The following DOK7 variants were observed in gnomAD, a reference collection of about 807,000 sequenced individuals.
DOK7 encodes the protein protein Dok-7.
In DOK7, 32 loss-of-function variants were observed where a neutral mutation model predicts 30.7. The observed-to-expected ratio is 1.04, with a 90% confidence interval of 0.79 to 1.40. DOK7 has a LOEUF of 1.40. Ranked by LOEUF, DOK7 falls within the 40% of genes most tolerant of loss-of-function variation. The pLI is 0.00. For missense variants in DOK7, 1,007 were observed against 699.2 expected, an observed-to-expected ratio of 1.44 and a Z score of -4.97; for synonymous variants, 447 against 324.1, an observed-to-expected ratio of 1.38 and a Z score of -4.07.
chr4:3,484,052 G>T (rs1203031703), intron 4 of DOK7, among the ~76,000 whole-genome samples: 1 of 152,188 alleles, frequency 6.6e-6, no homozygotes, highest in African/African-American at 2.4e-5. Context: ...AAGCTCTATC[G>T]GGCCAGAAGG....
In DOK7 at chr4:3,481,910, C is replaced by T. The variant is rs75450196; in HGVS notation, c.533-3629C>T. 6.7e-3 allele frequency among the ~76,000 whole-genome samples: 1,015 copies of T among 152,190 alleles called. 20 individuals carry two copies. Among genetic ancestry groups the T allele is most frequent in the African/African-American group, 0.021 (892 of 41,508 alleles). ...AGACGTGTTTCTCAGGAAGCAGGTG[C>T]GTCTGTAACGTGGGTGAGGTTTGCC... On this transcript the variant is annotated intron_variant, in intron 4 of 6. Coordinates refer to ENST00000340083, the MANE Select transcript of DOK7 (RefSeq NM_173660.5).
intron 6 of DOK7, among the ~76,000 whole-genome samples, chr4:3,490,188 A>G (rs1330448369): frequency 0.02 from 262 of 13,004 alleles, 3 homozygotes; most frequent in African/African-American, 0.073. Flanking sequence ...CGCCCCCCCC[A>G]CTCATTCCTT....
chr4:3,470,580 G>C (rs532326920), intron 2 of DOK7, among the ~76,000 whole-genome samples: 4 of 152,210 alleles, frequency 2.6e-5, no homozygotes, highest in Admixed American at 6.5e-5. Flanking sequence ...GGTGGGGCCG[G>C]CTGGCTTGTG....
chr4:3,489,658 A>C lies in DOK7; in HGVS notation c.653-19A>C, dbSNP rs191981243. On this transcript the variant is annotated intron_variant, in intron 5 of 6. Coordinates refer to ENST00000340083, the MANE Select transcript of DOK7 (RefSeq NM_173660.5). Reference sequence around the variant, plus strand: ...GCGGTGGTGGCCACCTCCTCCACCGAGTCTTCTCTCTGCCACAGACCCAAG... The same window carrying C: ...GCGGTGGTGGCCACCTCCTCCACCGCGTCTTCTCTCTGCCACAGACCCAAG... 27,035 of 1,562,800 alleles carry C rather than the reference A, an allele frequency of 0.017. 315 individuals carry two copies. Among genetic ancestry groups the C allele is most frequent in the Non-Finnish European group, 0.02 (23,578 of 1,153,868 alleles).
intron 4 of DOK7, among the ~76,000 whole-genome samples, chr4:3,481,495 G>A (rs1727440575): frequency 6.6e-6 from 1 of 152,082 alleles, no homozygotes; most frequent in African/African-American, 2.4e-5. Flanking sequence ...GGAGGGCAGA[G>A]GAGGGGTGGG....
At chr4:3,488,247 C>G (rs932679175) in intron 5 of DOK7, among the ~76,000 whole-genome samples, 1 of 152,206 alleles carries the variant, frequency 6.6e-6, no homozygotes, top group Non-Finnish European at 1.5e-5. Flanking sequence ...GTGGGGGAGG[C>G]TCCTCCAGGC....
chr4:3,468,356 G>C (rs1344248121), intron 2 of DOK7, among the ~76,000 whole-genome samples: 3 of 152,012 alleles, frequency 2.0e-5, no homozygotes, highest in African/African-American at 4.8e-5. Flanking sequence ...ATGCTTGTCT[G>C]TGTGCGTGTG....
exon 8 of DOK7, chr4:3,500,859 T>G (rs897495850): frequency 6.0e-6 from 9 of 1,506,272 alleles, no homozygotes; most frequent in Non-Finnish European, 6.2e-6. Flanking sequence ...GCAAACCCGG[T>G]GCGCTGTGCG....
At chr4:3,485,353 G>A in intron 4 of DOK7, 186 bp from the exon 5 acceptor site, 1 of 767,424 alleles carries the variant, frequency 1.3e-6, no homozygotes, top group South Asian at 2.8e-5. Flanking sequence ...TGGGGTGTCG[G>A]CTCTGGGCAC....
At position 3,485,066 on chromosome 4, in the gene DOK7, C is replaced by T. The variant is rs528216812; in HGVS notation, c.533-473C>T. 2.0e-5 allele frequency among the ~76,000 whole-genome samples: 3 copies of T among 152,266 alleles called. No individual in the cohort carries two copies. The South Asian group carries it at 6.2e-4, about 32-fold the overall frequency. On this transcript the variant is annotated intron_variant, in intron 4 of 6. Transcript: ENST00000340083. ...CAAGACGGCTGTGGGGGCAGGGTCG[C>T]TGGGACCTTGGGGCAGAGGAGGGAC...
At chr4:3,491,541 TCCCAC>T (rs1560229844) in intron 6 of DOK7, among the ~76,000 whole-genome samples, 3 of 16,598 alleles carry the variant, frequency 1.8e-4, no homozygotes, top group Non-Finnish European at 4.4e-4. Flanking sequence ...TTCTTCCTTC[TCCCAC>T]CTATTCATTC....
At chr4:3,482,964 CAG>C (rs1727523864) in intron 4 of DOK7, among the ~76,000 whole-genome samples, 1 of 151,710 alleles carries the variant, frequency 6.6e-6, no homozygotes, top group Non-Finnish European at 1.5e-5. Flanking sequence ...CTGTCGGGGT[CAG>C]GGGACTGAAG....
chr4:3,487,994 G>A (rs1308209123), intron 5 of DOK7, among the ~76,000 whole-genome samples: 5 of 152,240 alleles, frequency 3.3e-5, no homozygotes, highest in South Asian at 2.1e-4. Flanking sequence ...CTGCTAAGCC[G>A]TGTGGCCTGT....
chr4:3,474,552 T>G (rs1220045895), intron 3 of DOK7, among the ~76,000 whole-genome samples: 3 of 152,162 alleles, frequency 2.0e-5, no homozygotes, highest in Non-Finnish European at 4.4e-5. Context: ...CCAGGTGCAG[T>G]GGCTCATGCC....
At chr4:3,486,892 CCCTGCTCTCT>C (rs1727838472) in intron 5 of DOK7, among the ~76,000 whole-genome samples, 1 of 152,064 alleles carries the variant, frequency 6.6e-6, no homozygotes, top group Non-Finnish European at 1.5e-5. Flanking sequence ...GAGCAGGGCT[CCCTGCTCTCT>C]CCTGCTCCCC....
At chr4:3,482,709 G>A (rs1007902346) in intron 4 of DOK7, among the ~76,000 whole-genome samples, 3 of 152,238 alleles carry the variant, frequency 2.0e-5, no homozygotes, top group African/African-American at 4.8e-5. Flanking sequence ...CAAACACACA[G>A]GCAAACAGGA....
intron 6 of DOK7, among the ~76,000 whole-genome samples, chr4:3,490,624 TC>T (rs72196765): frequency 0.15 from 16,315 of 110,652 alleles, 2,698 homozygotes; most frequent in East Asian, 0.46. Flanking sequence ...GTTCATTCCT[TC>T]CCTCTCCGCC....
chr4:3,497,009 A>G, downstream of DOK7: 1 of 878,260 alleles, frequency 1.1e-6, no homozygotes, highest in South Asian at 1.7e-5. Flanking sequence ...AATGTGGTGA[A>G]AGTGGTTGTT....
intron 4 of DOK7, among the ~76,000 whole-genome samples, chr4:3,483,777 G>A (rs1364832272): frequency 1.3e-5 from 2 of 152,330 alleles, no homozygotes; most frequent in East Asian, 1.9e-4. Flanking sequence ...CACAGGGAGG[G>A]GTGGACCACG....
Sources: allele counts gnomAD v4.1 joint callset (sites outside exome capture counted in the v4.1 genomes callset), GRCh38; gene constraint gnomAD v4.1.1; transcripts MANE v1.5; gene names NCBI Gene and HGNC (gene_info 2026-07-23, HGNC 2026-07-21).